RBFOX1: variants seen among roughly 807,000 people sequenced by gnomAD.
The protein encoded by RBFOX1 is RNA binding protein fox-1 homolog 1.
RBFOX1 carries 8 observed loss-of-function variants against 57.7 expected under a neutral mutation model. The observed-to-expected ratio is 0.14, with a 90% CI of 0.08 to 0.25. The LOEUF (loss-of-function observed/expected upper bound fraction) is 0.25, where lower values mean the gene tolerates loss of function less well. Ranked by LOEUF, RBFOX1 falls within the 10% of genes least tolerant of loss-of-function variation. The pLI, the probability that RBFOX1 is intolerant of heterozygous loss-of-function variation, is 1.00. For missense variants in RBFOX1, 611 were observed against 548.5 expected, an observed-to-expected ratio of 1.11 and a Z score of -1.14; for synonymous variants, 326 against 222.4, an observed-to-expected ratio of 1.47 and a Z score of -4.15.
intron 1 of RBFOX1, among the ~76,000 whole-genome samples, chr16:5,246,595 G>A (rs2062305713): frequency 6.6e-6 from 1 of 151,914 alleles, no homozygotes; most frequent in Admixed American, 6.6e-5. Flanking sequence ...TGTGTCCTTT[G>A]GCATCTGCCC....
chr16:7,314,018 A>G (rs2096381537), intron 4 of RBFOX1, among the ~76,000 whole-genome samples: 1 of 144,650 alleles, frequency 6.9e-6, no homozygotes, highest in Non-Finnish European at 1.5e-5. Flanking sequence ...GCGACCTGTC[A>G]ACTTTGATGC....
At chr16:5,977,349 T>C (rs2060086087) in intron 4 of RBFOX1, among the ~76,000 whole-genome samples, 1 of 151,596 alleles carries the variant, frequency 6.6e-6, no homozygotes, top group South Asian at 2.1e-4. Context: ...TCATGCAGAG[T>C]CTCTCCAGAG....
intron 4 of RBFOX1, among the ~76,000 whole-genome samples, chr16:7,135,339 A>G (rs760782705): frequency 6.6e-6 from 1 of 152,204 alleles, no homozygotes; most frequent in Admixed American, 6.5e-5. Flanking sequence ...ATTTGTCAGC[A>G]CTTTGCAGAA....
At chr16:6,522,113 A>G (rs1598814527) in intron 2 of RBFOX1, among the ~76,000 whole-genome samples, 1 of 151,372 alleles carries the variant, frequency 6.6e-6, no homozygotes, top group African/African-American at 2.4e-5. Context: ...TCAATTTCCA[A>G]AGATTATGCA....
chr16:5,856,206 T>TATATATATAC (rs1159874642), intron 3 of RBFOX1, among the ~76,000 whole-genome samples: 4 of 40,506 alleles, frequency 9.9e-5, no homozygotes, highest in African/African-American at 1.6e-4. Context: ...TATATATATA[T>TATATATATAC]ACATATATAT....
chr16:6,869,357 C>G (rs1235016913), intron 3 of RBFOX1, among the ~76,000 whole-genome samples: 1 of 152,126 alleles, frequency 6.6e-6, no homozygotes, highest in African/African-American at 2.4e-5. Context: ...TCACAAATCC[C>G]ATAGTTGTAG....
intron 4 of RBFOX1, among the ~76,000 whole-genome samples, chr16:5,952,294 G>T (rs545106850): frequency 8.3e-4 from 126 of 152,006 alleles, no homozygotes; most frequent in Non-Finnish European, 9.7e-4. Flanking sequence ...GGGATTACAG[G>T]CGTGCGCCAC....
At chr16:7,541,925 C>G (rs1330609949) in intron 5 of RBFOX1, among the ~76,000 whole-genome samples, 1 of 152,196 alleles carries the variant, frequency 6.6e-6, no homozygotes, top group Non-Finnish European at 1.5e-5. Context: ...TGAGCAGATG[C>G]CAAGTTTCCC....
At chr16:6,410,683 T>C (rs1017389443) in intron 2 of RBFOX1, among the ~76,000 whole-genome samples, 6 of 152,174 alleles carry the variant, frequency 3.9e-5, no homozygotes, top group Admixed American at 3.3e-4. Flanking sequence ...TTGCTGCCTC[T>C]GGTGGGTGCA....
intron 4 of RBFOX1, among the ~76,000 whole-genome samples, chr16:7,107,664 A>G (rs1049219961): frequency 9.9e-5 from 15 of 151,958 alleles, no homozygotes; most frequent in East Asian, 1.9e-4. Context: ...ACAACCACCA[A>G]TCCACTTTCT....
chr16:6,308,859 T>A lies in RBFOX1; in HGVS notation c.-126-8136T>A, dbSNP rs1271201454. Among the ~76,000 whole-genome samples, 6 of 152,056 alleles carry A rather than the reference T, an allele frequency of 3.9e-5. No homozygotes were observed. The East Asian group carries it at 9.7e-4, about 24-fold the overall frequency. On this transcript the variant is annotated intron_variant, in intron 1 of 15. Transcript: ENST00000550418. ...ACCAAAAGTATTTCCCAACTATCAC[T>A]CCTAAAACAACTTTGCTCAGTAGCT...
rs559897077 is a variant in RBFOX1 at position 7,467,765 on chromosome 16, C to T, written c.28-50382C>T. Among the ~76,000 whole-genome samples, 5 of 152,350 alleles carry T rather than the reference C, an allele frequency of 3.3e-5. No homozygotes were observed. In the South Asian group the frequency reaches 8.3e-4, roughly 25 times the overall value. On this transcript the variant is annotated intron_variant, in intron 4 of 15. Coordinates refer to ENST00000550418, the MANE Select transcript of RBFOX1 (RefSeq NM_018723.4). ...TGGTGCACATGCAACGTCTTCCCCA[C>T]TTCCACTTCATCTCTTTGGAAATTA... is the stretch of plus-strand genomic sequence containing the variant.
At chr16:6,775,689 C>T (rs936009752) in intron 3 of RBFOX1, 7 of 152,140 alleles carry the variant, frequency 4.6e-5, no homozygotes, top group African/African-American at 9.7e-5. Flanking sequence ...CCTTGTCTTT[C>T]GTCAAATTAG....
rs533651880 is a variant in RBFOX1 at position 7,390,379 on chromosome 16, C to G, written c.28-127768C>G. Among the ~76,000 whole-genome samples the G allele has an allele frequency of 2.6e-5, 4 of 152,314 alleles. No individual in the cohort carries two copies. In the South Asian group the frequency reaches 6.2e-4, roughly 24 times the overall value. On this transcript the variant is annotated intron_variant, in intron 4 of 15. Transcript: ENST00000550418. ...TCCAAATCTGAGAGACACCCAAACTCATGTTCTTAACTATGAGATTTCGAT... is the reference window on the plus strand; with the variant it reads ...TCCAAATCTGAGAGACACCCAAACTGATGTTCTTAACTATGAGATTTCGAT...
chr16:6,134,842 C>T (rs531850246), intron 1 of RBFOX1, among the ~76,000 whole-genome samples: 30 of 109,650 alleles, frequency 2.7e-4, no homozygotes, highest in African/African-American at 9.8e-4. Context: ...CCCAGGCAGG[C>T]CATTTTTTTT....
intron 3 of RBFOX1, among the ~76,000 whole-genome samples, chr16:5,644,152 G>A (rs555016398): frequency 2.0e-5 from 3 of 152,258 alleles, no homozygotes; most frequent in East Asian, 3.9e-4. Context: ...GGAAATAATC[G>A]CGTCTTTCCA....
At chr16:6,888,900 C>G (rs1015118615) in intron 3 of RBFOX1, among the ~76,000 whole-genome samples, 1 of 152,174 alleles carries the variant, frequency 6.6e-6, no homozygotes, top group Non-Finnish European at 1.5e-5. Flanking sequence ...ATTTTAGCAT[C>G]TGAATTCATT....
chr16:6,523,585 TATG>T (rs2096538426), intron 2 of RBFOX1, among the ~76,000 whole-genome samples: 1 of 152,198 alleles, frequency 6.6e-6, no homozygotes, highest in African/African-American at 2.4e-5. Context: ...CAGTCTGTAT[TATG>T]AGTGCATCTG....
Position 7,176,036 on chromosome 16 carries a change from G to A in RBFOX1, c.27+123938G>A, listed in dbSNP as rs74009298. On this transcript the variant is annotated intron_variant, in intron 4 of 15. Coordinates refer to ENST00000550418, the MANE Select transcript of RBFOX1 (RefSeq NM_018723.4). ...TGTGAGTGTCAGTTCATTTTGACAT[G>A]TAACCAAGATGGACCTCAGCCAATA... Among the ~76,000 whole-genome samples the A allele has an allele frequency of 7.0e-3, 1,069 of 151,960 alleles. 15 individuals carry two copies. The highest frequency in any genetic ancestry group is 0.025 in the African/African-American group (1,027 of 41,410).
Sources: gnomAD v4.1 joint callset for allele counts (sites outside exome capture counted in the v4.1 genomes callset) on GRCh38, gnomAD v4.1.1 for gene constraint, MANE v1.5 for transcripts, NCBI Gene and HGNC (gene_info 2026-07-23, HGNC 2026-07-21) for gene names.